WDR19: variants seen among roughly 807,000 people sequenced by gnomAD.
The protein encoded by WDR19 is WD repeat-containing protein 19.
In WDR19, 121 loss-of-function variants were observed where a neutral mutation model predicts 180.0. The observed-to-expected ratio is 0.67, with a 90% CI of 0.58 to 0.78. WDR19 has a LOEUF of 0.78. Among genes scored for constraint, WDR19 ranks in the 30% least tolerant of loss-of-function variants. The probability of loss-of-function intolerance (pLI) is 0.00; values close to 1 mark genes in which losing one functional copy is unlikely to be tolerated. For synonymous variants in WDR19, 497 were observed against 540.7 expected (o/e 0.92, Z 1.12); for missense variants, 1,450 against 1,640.7 (o/e 0.88, Z 2.01).
intron 36 of WDR19, among the ~76,000 whole-genome samples, chr4:39,280,798 C>G (rs1736420352): frequency 6.6e-6 from 1 of 152,130 alleles, no homozygotes; most frequent in African/African-American, 2.4e-5. Context: ...TAAATAAAAA[C>G]AGTGCCTACT....
intron 1 of WDR19, 114 bp downstream of exon 1, chr4:39,182,677 A>AAGAG (rs148579854): frequency 5.7e-6 from 8 of 1,404,530 alleles, no homozygotes; most frequent in African/African-American, 1.4e-5. Flanking sequence ...GGAAATGAGG[A>AAGAG]AGAGAGAGAG....
chr4:39,237,299 C>T (rs1167196262), intron 20 of WDR19, among the ~76,000 whole-genome samples: 2 of 152,102 alleles, frequency 1.3e-5, no homozygotes, highest in African/African-American at 4.8e-5. Context: ...TGACTCATGC[C>T]TGTAATCTTA....
chr4:39,270,525 A>G (rs962486182), intron 31 of WDR19, among the ~76,000 whole-genome samples: 5 of 151,814 alleles, frequency 3.3e-5, no homozygotes, highest in African/African-American at 1.2e-4. Context: ...ACAGGCACAC[A>G]CCACCACACC....
intron 9 of WDR19, among the ~76,000 whole-genome samples, chr4:39,210,504 G>A (rs561762366): frequency 4.6e-5 from 7 of 152,196 alleles, no homozygotes; most frequent in African/African-American, 1.4e-4. Flanking sequence ...GCAATATAGC[G>A]AGACCCCATC....
intron 4 of WDR19, among the ~76,000 whole-genome samples, chr4:39,193,255 G>A (rs1307823816): frequency 2.0e-5 from 3 of 150,706 alleles, no homozygotes; most frequent in East Asian, 3.9e-4. Flanking sequence ...TCCGCCTCCC[G>A]GGTTCAAGCG....
intron 30 of WDR19, among the ~76,000 whole-genome samples, chr4:39,269,505 C>T (rs1006570500): frequency 3.3e-5 from 5 of 152,160 alleles, no homozygotes; most frequent in African/African-American, 1.2e-4. Context: ...GAGGACACCA[C>T]CATTTTTCAC....
intron 10 of WDR19, among the ~76,000 whole-genome samples, chr4:39,215,557 C>G (rs1196428393): frequency 6.6e-6 from 1 of 152,034 alleles, no homozygotes; most frequent in Admixed American, 6.6e-5. Context: ...CTATGATGTT[C>G]ACACAACAAC....
At chr4:39,189,597 C>T in intron 3 of WDR19, 59 bp from the exon 4 acceptor site, 1 of 1,421,246 alleles carries the variant, frequency 7.0e-7, no homozygotes, top group Non-Finnish European at 9.3e-7. Context: ...ACAAAAATCA[C>T]AAATAGTAAT....
intron 14 of WDR19, among the ~76,000 whole-genome samples, chr4:39,223,761 A>C (rs947786847): frequency 2.6e-5 from 4 of 152,212 alleles, no homozygotes; most frequent in Non-Finnish European, 5.9e-5. Context: ...TGATTACTAT[A>C]GCTATAAAAA....
rs76618844 is a variant in WDR19, at chr4:39,188,574, G to T, written c.165-1082G>T. On this transcript the variant is annotated intron_variant, in intron 3 of 36. Coordinates refer to ENST00000399820, the MANE Select transcript of WDR19 (RefSeq NM_025132.4). ...TGTGAGGTTATAGCCAAGTATAATCGCACCACCGCACTCCAGCCTGGGCGG... is the reference window on the plus strand; with the variant it reads ...TGTGAGGTTATAGCCAAGTATAATCTCACCACCGCACTCCAGCCTGGGCGG... Among the ~76,000 whole-genome samples the T allele has an allele frequency of 7.9e-3, 1,130 of 142,238 alleles. 45 individuals carry two copies. Among genetic ancestry groups the T allele is most frequent in the Admixed American group, 0.074 (1,031 of 13,880 alleles). The allele number at this position is 142,238 out of a possible 152,430, so 93.3% of individuals were successfully genotyped here.
intron 28 of WDR19, among the ~76,000 whole-genome samples, chr4:39,258,156 C>T (rs1043619394): frequency 8.3e-6 from 1 of 120,254 alleles, no homozygotes; most frequent in Admixed American, 9.7e-5. Flanking sequence ...AGCAGTAAGT[C>T]ATTCTTTTTT....
Position 39,245,443 on chromosome 4 carries a change from C to T in WDR19, c.2720C>T (p.Ala907Val), listed in dbSNP as rs201967816. 217 of 1,613,404 alleles carry T rather than the reference C, an allele frequency of 1.3e-4. No individual in the cohort carries two copies. Among genetic ancestry groups the T allele is most frequent in the Middle Eastern group, 9.9e-4 (6 of 6,062 alleles). Residue 907 changes from alanine (A) to valine (V), a missense_variant, in exon 24 of 37, where the codon GCA (alanine) becomes GTA (valine). Ala to Val is a moderately conservative substitution (Grantham distance 64). Transcript: ENST00000399820. ...IHLQYAKAKE[A>V]DGRYKEAVVA... ...TTGCAGTATGCCAAAGCCAAGGAAGCAGATGGAAGGTTTGTACACTTTCTC... is the reference window on the plus strand; with the variant it reads ...TTGCAGTATGCCAAAGCCAAGGAAGTAGATGGAAGGTTTGTACACTTTCTC...
chr4:39,198,427 G>A (rs1236430760), intron 5 of WDR19, among the ~76,000 whole-genome samples: 1 of 152,086 alleles, frequency 6.6e-6, no homozygotes, highest in Non-Finnish European at 1.5e-5. Context: ...CAGGCATGGT[G>A]GCGGACGCCT....
At chr4:39,213,713 C>T (rs1728767390) in intron 9 of WDR19, among the ~76,000 whole-genome samples, 1 of 152,072 alleles carries the variant, frequency 6.6e-6, no homozygotes, top group African/African-American at 2.4e-5. Context: ...AACACACACA[C>T]TGAGTACAAG....
chr4:39,254,744 C>G (rs1184616154), intron 26 of WDR19, among the ~76,000 whole-genome samples: 1 of 152,070 alleles, frequency 6.6e-6, no homozygotes, highest in East Asian at 1.9e-4. Flanking sequence ...TTTCATCATC[C>G]CAGACTGTCC....
At chr4:39,190,139 G>A (rs1395988163) in intron 4 of WDR19, among the ~76,000 whole-genome samples, 6 of 152,128 alleles carry the variant, frequency 3.9e-5, no homozygotes, top group Non-Finnish European at 7.3e-5. Flanking sequence ...TCTCTATATT[G>A]ACTTTATTCT....
intron 21 of WDR19, among the ~76,000 whole-genome samples, chr4:39,240,816 C>A (rs1481061442): frequency 1.3e-5 from 2 of 151,632 alleles, no homozygotes; most frequent in Non-Finnish European, 2.9e-5. Context: ...ATTAGCCAGG[C>A]GTGGTGGTGC....
intron 9 of WDR19, among the ~76,000 whole-genome samples, chr4:39,208,766 GCATTTAAC>G (rs906438645): frequency 5.3e-5 from 8 of 152,254 alleles, no homozygotes; most frequent in African/African-American, 1.7e-4. Flanking sequence ...ACTTGGCACA[GCATTTAAC>G]CTTGTATTAG....
chr4:39,268,698 T>C (rs1735045570), intron 30 of WDR19, among the ~76,000 whole-genome samples: 1 of 152,182 alleles, frequency 6.6e-6, no homozygotes, highest in Non-Finnish European at 1.5e-5. Flanking sequence ...TTTATTCAGC[T>C]TACGTTGATC....
Sources: gnomAD v4.1 joint callset for allele counts (sites outside exome capture counted in the v4.1 genomes callset) on GRCh38, gnomAD v4.1.1 for gene constraint, MANE v1.5 for transcripts, NCBI Gene and HGNC (gene_info 2026-07-23, HGNC 2026-07-21) for gene names.